Variants in LRP1B observed in about 807,000 individuals in gnomAD.
LRP1B encodes LDL receptor related protein 1B.
In LRP1B, 217 loss-of-function variants were observed where a neutral mutation model predicts 556.6. The ratio of observed to expected loss-of-function variants is 0.39; its 90% CI spans 0.35 to 0.44. The LOEUF (loss-of-function observed/expected upper bound fraction) is 0.44, where lower values mean the gene tolerates loss of function less well. Among genes scored for constraint, LRP1B ranks in the 20% least tolerant of loss-of-function variants. The probability of loss-of-function intolerance (pLI) is 1.00; values close to 1 mark genes in which losing one functional copy is unlikely to be tolerated. For missense variants in LRP1B, 5,053 were observed against 5,620.8 expected (o/e 0.90, Z 3.23); for synonymous variants, 2,047 against 1,865.8 (o/e 1.10, Z -2.50).
intron 5 of LRP1B, among the ~76,000 whole-genome samples, chr2:141,233,184 CT>C (rs1339820773): frequency 6.6e-6 from 1 of 152,194 alleles, no homozygotes; most frequent in African/African-American, 2.4e-5. Flanking sequence ...TGTGTCAACA[CT>C]TAGTGAGAGG....
At chr2:141,902,943 G>A (rs1316025541) in intron 1 of LRP1B, among the ~76,000 whole-genome samples, 1 of 151,812 alleles carries the variant, frequency 6.6e-6, no homozygotes, top group Non-Finnish European at 1.5e-5. Context: ...TAAAAAGTAG[G>A]CTAACTTTTA....
chr2:141,774,531 A>G (rs1268289450), intron 2 of LRP1B, among the ~76,000 whole-genome samples: 6 of 152,118 alleles, frequency 3.9e-5, no homozygotes, highest in Admixed American at 3.3e-4. Flanking sequence ...CACCTCCAAC[A>G]CTGGGAATTA....
chr2:141,820,061 T>G (rs2105727811), intron 1 of LRP1B, among the ~76,000 whole-genome samples: 1 of 152,256 alleles, frequency 6.6e-6, no homozygotes, highest in African/African-American at 2.4e-5. Context: ...TCTCCCATGG[T>G]TAAAATGAAA....
chr2:141,368,056 C>T (rs1035129319), intron 3 of LRP1B, among the ~76,000 whole-genome samples: 4 of 151,996 alleles, frequency 2.6e-5, no homozygotes, highest in Non-Finnish European at 5.9e-5. Flanking sequence ...TAGATTTTTC[C>T]GTTTGCTACT....
chr2:142,068,161 T>C (rs1021903643), intron 1 of LRP1B, among the ~76,000 whole-genome samples: 1 of 151,564 alleles, frequency 6.6e-6, no homozygotes, highest in African/African-American at 2.4e-5. Context: ...CTCCAAAATT[T>C]GGTCCCCATG....
At chr2:141,322,678 C>T (rs897660201) in intron 3 of LRP1B, among the ~76,000 whole-genome samples, 1 of 152,014 alleles carries the variant, frequency 6.6e-6, no homozygotes, top group Non-Finnish European at 1.5e-5. Flanking sequence ...AGAGTAAAAA[C>T]TAAGCATTTC....
At chr2:140,450,469 A>C (rs1046544492) in intron 63 of LRP1B, 99 bp downstream of exon 63, 1 of 886,208 alleles carries the variant, frequency 1.1e-6, no homozygotes, top group African/African-American at 1.7e-5. Flanking sequence ...ATTTTGGAAA[A>C]GTGTCAGAAG....
At chr2:140,625,308 AG>A (rs1350508810) in intron 41 of LRP1B, among the ~76,000 whole-genome samples, 1 of 152,236 alleles carries the variant, frequency 6.6e-6, no homozygotes. Flanking sequence ...ATAAGACAAA[AG>A]AACACAATAA....
At chr2:140,459,683 A>G (rs1558897201) in intron 60 of LRP1B, among the ~76,000 whole-genome samples, 1 of 152,140 alleles carries the variant, frequency 6.6e-6, no homozygotes, top group Non-Finnish European at 1.5e-5. Context: ...CAAAAACTCT[A>G]TTGTGCAGTA....
chr2:140,483,615 C>CACATATATATAT (rs1403726877), intron 59 of LRP1B, among the ~76,000 whole-genome samples: 4 of 88,352 alleles, frequency 4.5e-5, no homozygotes, highest in South Asian at 8.2e-4. Context: ...CACACACACA[C>CACATATATATAT]ATATATATAT....
At chr2:141,375,592 T>C (rs573652631) in intron 3 of LRP1B, among the ~76,000 whole-genome samples, 6 of 152,226 alleles carry the variant, frequency 3.9e-5, no homozygotes, top group Admixed American at 2.6e-4. Flanking sequence ...CTAAGTGTGC[T>C]GAGGAGAGCT....
intron 3 of LRP1B, among the ~76,000 whole-genome samples, chr2:141,402,813 C>T (rs1451842038): frequency 6.6e-6 from 1 of 151,960 alleles, no homozygotes; most frequent in Non-Finnish European, 1.5e-5. Context: ...TTATCTATTC[C>T]AGTACAGAAA....
intron 2 of LRP1B, among the ~76,000 whole-genome samples, chr2:141,509,981 C>A (rs577237948): frequency 4.0e-4 from 61 of 152,044 alleles, no homozygotes; most frequent in Admixed American, 7.9e-4. Flanking sequence ...TGTCCTCTAT[C>A]ATTTAGAAAA....
intron 7 of LRP1B, among the ~76,000 whole-genome samples, chr2:141,081,426 C>T (rs1699919693): frequency 6.6e-6 from 1 of 152,176 alleles, no homozygotes; most frequent in Admixed American, 6.5e-5. Flanking sequence ...ATGTAGAAGA[C>T]ACCCAGTGTG....
At chr2:140,413,389 A>G (rs966812638) in intron 66 of LRP1B, among the ~76,000 whole-genome samples, 6 of 152,166 alleles carry the variant, frequency 3.9e-5, no homozygotes, top group Non-Finnish European at 7.4e-5. Context: ...TTAGAGACAG[A>G]TCTGAACTAA....
chr2:141,638,323 A>C (rs927834008), intron 2 of LRP1B, among the ~76,000 whole-genome samples: 1 of 152,156 alleles, frequency 6.6e-6, no homozygotes, highest in African/African-American at 2.4e-5. Flanking sequence ...TGGGAAGCCG[A>C]TTCCACCATT....
rs556047280 is a variant in LRP1B at position 142,032,500 on chromosome 2, G to C, written c.82+98148C>G. Among the ~76,000 whole-genome samples, 7 of 151,786 alleles carry C rather than the reference G, an allele frequency of 4.6e-5. 1 individual carries two copies. The highest frequency in any genetic ancestry group is 1.7e-4 in the African/African-American group (7 of 41,436). On this transcript the variant is annotated intron_variant, in intron 1 of 90. Coordinates refer to ENST00000389484, the MANE Select transcript of LRP1B (RefSeq NM_018557.3). Reference sequence around the variant, plus strand: ...TTCCTCTTTCTTTGCACTTAAATCTGGTTTTCATCCTTCTTACCTACGGAA... The same window carrying C: ...TTCCTCTTTCTTTGCACTTAAATCTCGTTTTCATCCTTCTTACCTACGGAA...
intron 66 of LRP1B, among the ~76,000 whole-genome samples, chr2:140,425,153 G>A (rs999443908): frequency 3.3e-5 from 5 of 151,592 alleles, no homozygotes; most frequent in African/African-American, 4.8e-5. Context: ...GCTCTCAAAT[G>A]TCTATAGACA....
intron 3 of LRP1B, among the ~76,000 whole-genome samples, chr2:141,345,345 A>G (rs557433423): frequency 5.3e-5 from 8 of 152,294 alleles, no homozygotes; most frequent in African/African-American, 1.9e-4. Flanking sequence ...AATCTGTTAT[A>G]GCAGCAAAAG....
Sources: allele counts gnomAD v4.1 joint callset (sites outside exome capture counted in the v4.1 genomes callset), GRCh38; gene constraint gnomAD v4.1.1; transcripts MANE v1.5; gene names NCBI Gene and HGNC (gene_info 2026-07-23, HGNC 2026-07-21).